The following COL19A1 variants were observed in gnomAD, a reference collection of about 807,000 sequenced individuals.
COL19A1 encodes collagen alpha-1(XIX) chain.
In COL19A1, 159 loss-of-function variants were observed where a neutral mutation model predicts 190.2. The ratio of observed to expected loss-of-function variants is 0.84; its 90% confidence interval spans 0.73 to 0.95. COL19A1 has a LOEUF of 0.95. Ranked by LOEUF, COL19A1 falls within the 40% of genes least tolerant of loss-of-function variation. The pLI, the probability that COL19A1 is intolerant of heterozygous loss-of-function variation, is 0.00. For missense variants in COL19A1, 1,418 were observed against 1,431.9 expected (o/e 0.99, Z 0.16); for synonymous variants, 509 against 458.9 (o/e 1.11, Z -1.39).
intron 48 of COL19A1, among the ~76,000 whole-genome samples, chr6:70,191,914 A>G (rs1766897193): frequency 6.6e-6 from 1 of 152,210 alleles, no homozygotes; most frequent in Non-Finnish European, 1.5e-5. Context: ...ATTTTAAATA[A>G]TAATTAGCAG....
intron 40 of COL19A1, among the ~76,000 whole-genome samples, chr6:70,170,003 A>G (rs1329117079): frequency 6.6e-6 from 1 of 152,160 alleles, no homozygotes; most frequent in Non-Finnish European, 1.5e-5. Context: ...AAAAATGTAG[A>G]CCTATTTGAG....
intron 16 of COL19A1, among the ~76,000 whole-genome samples, chr6:70,121,205 T>C (rs1784864687): frequency 6.6e-6 from 1 of 152,200 alleles, no homozygotes; most frequent in Non-Finnish European, 1.5e-5. Context: ...ATGTAATCCC[T>C]GAAAAACCTG....
In COL19A1 at chr6:70,025,773, G is replaced by A. The variant is rs758680528; in HGVS notation, c.1080+2093G>A. 2.6e-5 allele frequency among the ~76,000 whole-genome samples: 4 copies of A among 152,150 alleles called. No individual in the cohort carries two copies. The South Asian group carries it at 6.2e-4, about 24-fold the overall frequency. On this transcript the variant is annotated intron_variant, in intron 12 of 50. Transcript: ENST00000620364. ...TGAATGTTAGTTTGAAAAACTGAGC[G>A]GTTATTAATATTATGACAGAGTAAA...
At chr6:70,119,922 C>T (rs1256359789) in intron 16 of COL19A1, among the ~76,000 whole-genome samples, 1 of 152,152 alleles carries the variant, frequency 6.6e-6, no homozygotes, top group Non-Finnish European at 1.5e-5. Flanking sequence ...GAAACCCTAC[C>T]TCTACTAAAA....
At chr6:69,998,951 G>A (rs536329050) in intron 11 of COL19A1, among the ~76,000 whole-genome samples, 1 of 150,874 alleles carries the variant, frequency 6.6e-6, no homozygotes, top group South Asian at 2.1e-4. Flanking sequence ...TAGAGTTTAT[G>A]TTTATCTTTT....
chr6:70,063,790 G>T (rs918197755), intron 14 of COL19A1, among the ~76,000 whole-genome samples: 1 of 152,060 alleles, frequency 6.6e-6, no homozygotes, highest in African/African-American at 2.4e-5. Flanking sequence ...AATGATAAAG[G>T]GGATATCACC....
chr6:70,134,522 T>C (rs1562206563), intron 18 of COL19A1, among the ~76,000 whole-genome samples: 1 of 152,178 alleles, frequency 6.6e-6, no homozygotes. Flanking sequence ...ATAAGCTACA[T>C]ATATATAGGT....
intron 34 of COL19A1, among the ~76,000 whole-genome samples, chr6:70,159,920 G>T (rs1257631561): frequency 6.6e-6 from 1 of 152,080 alleles, no homozygotes; most frequent in Non-Finnish European, 1.5e-5. Flanking sequence ...GTATCACATG[G>T]TTATCTGAAA....
intron 15 of COL19A1, among the ~76,000 whole-genome samples, chr6:70,101,871 T>C (rs1426248349): frequency 6.6e-6 from 1 of 152,142 alleles, no homozygotes; most frequent in African/African-American, 2.4e-5. Flanking sequence ...AAAATACCCA[T>C]CTTAGACCAT....
Position 69,951,853 on chromosome 6 carries a change from G to T in COL19A1, c.937-8143G>T, listed in dbSNP as rs563037236. ...AAAACTTCCCCTAACTTGGTACGGA[G>T]AAAATAGTAGAGTCAGGATTTGAAC... On this transcript the variant is annotated intron_variant, in intron 9 of 50. Transcript: ENST00000620364. Among the ~76,000 whole-genome samples the T allele has an allele frequency of 2.0e-5, 3 of 151,970 alleles. No individual in the cohort carries two copies. In the East Asian group the frequency reaches 5.8e-4, roughly 29 times the overall value.
chr6:70,120,216 A>C (rs1784809556), intron 16 of COL19A1, among the ~76,000 whole-genome samples: 1 of 152,200 alleles, frequency 6.6e-6, no homozygotes, highest in Non-Finnish European at 1.5e-5. Flanking sequence ...CTCTCTTTTA[A>C]CTAGATTGAA....
intron 40 of COL19A1, among the ~76,000 whole-genome samples, chr6:70,171,055 G>C (rs1385352341): frequency 1.3e-5 from 2 of 152,142 alleles, no homozygotes; most frequent in Non-Finnish European, 2.9e-5. Context: ...ATGCAAGCTT[G>C]TCCAACCCAT....
At chr6:70,149,586 C>A (rs576137526) in intron 27 of COL19A1, 118 bp from the exon 28 acceptor site, 1 of 1,272,750 alleles carries the variant, frequency 7.9e-7, no homozygotes, top group African/African-American at 1.5e-5. Context: ...CACGTGTGTA[C>A]GGTGGCAAAC....
intron 8 of COL19A1, among the ~76,000 whole-genome samples, chr6:69,937,629 C>A (rs556790980): frequency 6.6e-6 from 1 of 152,276 alleles, no homozygotes; most frequent in South Asian, 2.1e-4. Context: ...TAAAACATGT[C>A]ATCGACTTAC....
chr6:70,149,838 C>A lies in COL19A1; in HGVS notation c.1930-13C>A. 5 of 1,613,556 alleles carry A rather than the reference C, an allele frequency of 3.1e-6. No homozygotes were observed. The highest frequency in any genetic ancestry group is 4.2e-6 in the Non-Finnish European group (5 of 1,179,760). On this transcript the variant is annotated splice_polypyrimidine_tract_variant and intron_variant, in intron 28 of 50. Coordinates refer to ENST00000620364, the MANE Select transcript of COL19A1 (RefSeq NM_001858.6). ...CCTCATAAGTAACTGTTTTTATTTCCCTCCTTTTCCAGGGTCCTCGAGGTC... is the reference window on the plus strand; with the variant it reads ...CCTCATAAGTAACTGTTTTTATTTCACTCCTTTTCCAGGGTCCTCGAGGTC...
intron 14 of COL19A1, among the ~76,000 whole-genome samples, chr6:70,062,950 A>G (rs546963550): frequency 1.3e-5 from 2 of 152,246 alleles, no homozygotes; most frequent in South Asian, 2.1e-4. Context: ...ATATATATGC[A>G]CCCAATACAG....
chr6:70,167,874 T>A (rs1382478248), intron 37 of COL19A1, 151 bp from the exon 38 acceptor site: 1 of 555,090 alleles, frequency 1.8e-6, no homozygotes, highest in Non-Finnish European at 3.1e-6. Flanking sequence ...AAATGTATTA[T>A]TTTACTTAGA....
chr6:69,873,165 T>G (rs1345079123), intron 1 of COL19A1, among the ~76,000 whole-genome samples: 2 of 152,010 alleles, frequency 1.3e-5, no homozygotes, highest in South Asian at 2.1e-4. Flanking sequence ...CTCTCAGAGT[T>G]AGGAGTTTAC....
In COL19A1 at chr6:70,167,477, T is replaced by C. The variant is rs571428333; in HGVS notation, c.2446-548T>C. Among the ~76,000 whole-genome samples the C allele has an allele frequency of 2.0e-5, 3 of 152,330 alleles. No individual in the cohort carries two copies. In the East Asian group the frequency reaches 5.8e-4, roughly 29 times the overall value. On this transcript the variant is annotated intron_variant, in intron 37 of 50. Coordinates refer to ENST00000620364, the MANE Select transcript of COL19A1 (RefSeq NM_001858.6). ...AATTTTTTTCAAGATGTTCTTATTC[T>C]CTTTTATCCTAAAGAATTTATTTTT...
Sources: gnomAD v4.1 joint callset for allele counts (sites outside exome capture counted in the v4.1 genomes callset) on GRCh38, gnomAD v4.1.1 for gene constraint, MANE v1.5 for transcripts, NCBI Gene and HGNC (gene_info 2026-07-23, HGNC 2026-07-21) for gene names.